The following NPSR1 variants were observed in gnomAD, a reference collection of about 807,000 sequenced individuals.
NPSR1 encodes neuropeptide S receptor.
Under a neutral mutation model 46.9 loss-of-function variants are expected in NPSR1, and 48 were observed. The observed-to-expected ratio is 1.02, with a 90% CI of 0.81 to 1.30. The LOEUF is 1.30. NPSR1 is among the 50% of genes most tolerant of loss of function. The probability of loss-of-function intolerance (pLI) is 0.00; values close to 1 mark genes in which losing one functional copy is unlikely to be tolerated. For synonymous variants in NPSR1, 176 were observed against 168.1 expected, an observed-to-expected ratio of 1.05 and a Z score of -0.36; for missense variants, 450 against 449.5, an observed-to-expected ratio of 1.00 and a Z score of -0.01.
intron 3 of NPSR1, among the ~76,000 whole-genome samples, chr7:34,784,984 G>A (rs1787395062): frequency 6.6e-6 from 1 of 152,028 alleles, no homozygotes; most frequent in Non-Finnish European, 1.5e-5. Flanking sequence ...GATTCCTCAG[G>A]GATCTAGAAC....
intron 4 of NPSR1, among the ~76,000 whole-genome samples, chr7:34,824,332 C>T (rs1272268105): frequency 6.6e-6 from 1 of 152,148 alleles, no homozygotes; most frequent in Admixed American, 6.5e-5. Flanking sequence ...TGGACAAGAG[C>T]ACATGGAAGA....
At chr7:34,716,905 G>T (rs1354998275) in intron 2 of NPSR1, among the ~76,000 whole-genome samples, 1 of 152,138 alleles carries the variant, frequency 6.6e-6, no homozygotes, top group Non-Finnish European at 1.5e-5. Context: ...AGTGTCAGGG[G>T]CAGATTACAG....
intron 2 of NPSR1, among the ~76,000 whole-genome samples, chr7:34,774,769 C>G (rs1202614247): frequency 6.6e-6 from 1 of 152,148 alleles, no homozygotes; most frequent in Non-Finnish European, 1.5e-5. Context: ...GCAGCCCATA[C>G]ATGCTGCAGA....
chr7:34,768,586 G>A (rs1251649980), intron 2 of NPSR1: 1 of 152,120 alleles, frequency 6.6e-6, no homozygotes, highest in Non-Finnish European at 1.5e-5. Context: ...GATAACAATA[G>A]CACAAAGTTT....
At chr7:34,777,534 TA>T (rs1787023642) in intron 2 of NPSR1, among the ~76,000 whole-genome samples, 3 of 151,984 alleles carry the variant, frequency 2.0e-5, no homozygotes, top group Admixed American at 1.3e-4. Flanking sequence ...AATATGAAGT[TA>T]AAACCAAGCA....
chr7:34,828,821 G>C (rs1250950655), intron 5 of NPSR1, among the ~76,000 whole-genome samples: 1 of 152,124 alleles, frequency 6.6e-6, no homozygotes, highest in African/African-American at 2.4e-5. Context: ...GTCACAAGCT[G>C]CCCTTGAGAA....
At chr7:34,658,659 A>C in intron 1 of NPSR1, 100 bp downstream of exon 1, 1 of 1,187,088 alleles carries the variant, frequency 8.4e-7, no homozygotes, top group Non-Finnish European at 1.2e-6. Context: ...ATTGTGAATG[A>C]GTGTTATTTT....
In NPSR1 at chr7:34,684,153, G is replaced by T. The variant is rs529480038; in HGVS notation, c.148-399G>T. On this transcript the variant is annotated intron_variant, in intron 1 of 8. Transcript: ENST00000360581. ...GGTTGTCATTGTTAATAGCTATGCT[G>T]TAATAGTTCACTGAATTGAAGTGCT... is the stretch of plus-strand genomic sequence containing the variant. 5.3e-5 allele frequency among the ~76,000 whole-genome samples: 8 copies of T among 152,274 alleles called. No homozygotes were observed. In the East Asian group the frequency reaches 1.5e-3, roughly 29 times the overall value.
intron 4 of NPSR1, among the ~76,000 whole-genome samples, chr7:34,822,630 T>C (rs1448727566): frequency 6.6e-6 from 1 of 152,164 alleles, no homozygotes; most frequent in South Asian, 2.1e-4. Flanking sequence ...GAATAACACA[T>C]ATAAATCATA....
intron 4 of NPSR1, among the ~76,000 whole-genome samples, chr7:34,821,102 T>C (rs1365737233): frequency 6.6e-6 from 1 of 151,380 alleles, no homozygotes; most frequent in African/African-American, 2.4e-5. Flanking sequence ...TTATTTTTGG[T>C]TTACATTCAT....
chr7:34,662,544 A>G (rs1236548601), intron 1 of NPSR1, among the ~76,000 whole-genome samples: 1 of 152,144 alleles, frequency 6.6e-6, no homozygotes, highest in Admixed American at 6.5e-5. Context: ...GCAATTTGTA[A>G]CGAGAGGTCT....
Position 34,689,326 on chromosome 7 carries a change from C to T in NPSR1, c.280+4642C>T, listed in dbSNP as rs1438777497. Among the ~76,000 whole-genome samples the T allele has an allele frequency of 3.3e-5, 5 of 152,274 alleles. No homozygotes were observed. In the East Asian group the frequency reaches 9.7e-4, roughly 29 times the overall value. On this transcript the variant is annotated intron_variant, in intron 2 of 8. Coordinates refer to ENST00000360581, the MANE Select transcript of NPSR1 (RefSeq NM_207172.2). ...GCACAATACAATAAGAAATCTGGGG[C>T]CAGGCACAGTGGCTCACGCCTGTAA...
intron 8 of NPSR1, among the ~76,000 whole-genome samples, chr7:34,867,112 G>A (rs761328763): frequency 5.9e-5 from 9 of 151,564 alleles, no homozygotes; most frequent in Non-Finnish European, 1.0e-4. Context: ...CATGGGCTGC[G>A]GTAACATAGG....
chr7:34,805,433 T>A (rs895260022), intron 3 of NPSR1, among the ~76,000 whole-genome samples: 2 of 132,166 alleles, frequency 1.5e-5, no homozygotes, highest in African/African-American at 6.0e-5. Context: ...GATAGCCTTT[T>A]CAAGAATGGC....
chr7:34,684,563 G>T lies in NPSR1; in HGVS notation c.159G>T (p.Leu53Phe), dbSNP rs543760020. 167 of 1,613,518 alleles carry T rather than the reference G, an allele frequency of 1.0e-4. No individual in the cohort carries two copies. The South Asian group carries it at 1.7e-3, about 16-fold the overall frequency. The part of the protein sequence containing the change: ...SFYYSFKTEQ[L>F]ITLWVLFVFT... ...TCTGTTTCTTGCAGACTGAGCAATT[G>T]ATAACTCTGTGGGTCCTCTTTGTTT... Residue 53 changes from leucine (L) to phenylalanine (F), a missense_variant, in exon 2 of 9, where the codon TTG (leucine) becomes TTT (phenylalanine). Coordinates refer to ENST00000360581, the MANE Select transcript of NPSR1 (RefSeq NM_207172.2).
chr7:34,674,875 C>A (rs557230516), intron 1 of NPSR1, among the ~76,000 whole-genome samples: 2 of 152,264 alleles, frequency 1.3e-5, no homozygotes, highest in South Asian at 4.2e-4. Flanking sequence ...TCCAACCCAG[C>A]CCCAGAAACC....
At chr7:34,673,671 T>C (rs1320904276) in intron 1 of NPSR1, among the ~76,000 whole-genome samples, 2 of 152,172 alleles carry the variant, frequency 1.3e-5, no homozygotes, top group Non-Finnish European at 2.9e-5. Context: ...TCTAGAGGCA[T>C]TGCAGAGGGT....
At chr7:34,813,357 A>G in intron 4 of NPSR1, among the ~76,000 whole-genome samples, 1 of 152,198 alleles carries the variant, frequency 6.6e-6, no homozygotes, top group East Asian at 1.9e-4. Context: ...AGGTAAGGCA[A>G]TCGTTGTTCC....
At chr7:34,766,479 T>C (rs528218456) in intron 2 of NPSR1, among the ~76,000 whole-genome samples, 65 of 152,300 alleles carry the variant, frequency 4.3e-4, no homozygotes, top group African/African-American at 1.5e-3. Flanking sequence ...TGAATAAACA[T>C]ATTGTAATAC....
Sources: gnomAD v4.1 joint callset for allele counts (sites outside exome capture counted in the v4.1 genomes callset) on GRCh38, gnomAD v4.1.1 for gene constraint, MANE v1.5 for transcripts, NCBI Gene and HGNC (gene_info 2026-07-23, HGNC 2026-07-21) for gene names.